The following ABCG2 variants were observed in gnomAD, a reference collection of about 807,000 sequenced individuals.
ABCG2 encodes the protein broad substrate specificity ATP-binding cassette transporter ABCG2.
In ABCG2, 80 loss-of-function variants were observed where a neutral mutation model predicts 73.5. The observed-to-expected ratio is 1.09, with a 90% CI of 0.91 to 1.31. The LOEUF is 1.31. Ranked by LOEUF, ABCG2 falls within the 50% of genes most tolerant of loss-of-function variation. The pLI, the probability that ABCG2 is intolerant of heterozygous loss-of-function variation, is 0.00. For synonymous variants in ABCG2, 269 were observed against 282.4 expected (o/e 0.95, Z 0.48); for missense variants, 796 against 786.2 (o/e 1.01, Z -0.15).
chr4:88,118,042 AC>A, intron 7 of ABCG2, 66 bp downstream of exon 7: 10 of 1,495,424 alleles, frequency 6.7e-6, no homozygotes, highest in Non-Finnish European at 9.1e-6. Context: ...ACTCCTGCAG[AC>A]CCCCTTTGCT....
intron 5 of ABCG2, among the ~76,000 whole-genome samples, chr4:88,122,269 GTT>G (rs948257319): frequency 2.0e-5 from 3 of 151,504 alleles, no homozygotes; most frequent in Non-Finnish European, 4.4e-5. Context: ...AGCTGCAGGA[GTT>G]TTTTTTTCAT....
intron 1 of ABCG2, among the ~76,000 whole-genome samples, chr4:88,201,294 A>T (rs1265800278): frequency 6.6e-6 from 1 of 151,948 alleles, no homozygotes; most frequent in Non-Finnish European, 1.5e-5. Context: ...CCCTGTCAGT[A>T]AAAGTTTTTT....
intron 15 of ABCG2, among the ~76,000 whole-genome samples, chr4:88,094,258 T>G (rs1283859182): frequency 6.6e-6 from 1 of 152,076 alleles, no homozygotes; most frequent in African/African-American, 2.4e-5. Flanking sequence ...CTCACTTCAA[T>G]CTCAAATGCT....
In ABCG2 at chr4:88,153,449, T is replaced by G. The variant is rs563583140; in HGVS notation, c.-20+4937A>C. Among the ~76,000 whole-genome samples, 459 of 151,126 alleles carry G rather than the reference T, an allele frequency of 3.0e-3. 2 individuals carry two copies. The highest frequency in any genetic ancestry group is 4.7e-3 in the Non-Finnish European group (316 of 67,782). On this transcript the variant is annotated intron_variant, in intron 1 of 15. Coordinates refer to ENST00000237612, the MANE Select transcript of ABCG2 (RefSeq NM_004827.3). ...CTGAGAAGGGCAAGTGGTAAAAGTA[T>G]TATCCAGTCCTTTTTAAGTTGGTGG... is the stretch of plus-strand genomic sequence containing the variant.
At chr4:88,182,532 A>G (rs1318265416) in intron 1 of ABCG2, among the ~76,000 whole-genome samples, 2 of 152,210 alleles carry the variant, frequency 1.3e-5, no homozygotes, top group Admixed American at 6.5e-5. Flanking sequence ...TCAAAAAAAA[A>G]TCACAATTAC....
intron 8 of ABCG2, among the ~76,000 whole-genome samples, chr4:88,114,708 C>T (rs1173526895): frequency 6.6e-6 from 1 of 151,656 alleles, no homozygotes; most frequent in East Asian, 1.9e-4. Flanking sequence ...TTTAAAAACA[C>T]TATATAAACA....
At chr4:88,160,255 A>C (rs1727234839), upstream of ABCG2, among the ~76,000 whole-genome samples, 1 of 152,002 alleles carries the variant, frequency 6.6e-6, no homozygotes, top group Admixed American at 6.6e-5. Flanking sequence ...AAAAAAAAAA[A>C]AATTAAGATA....
intron 1 of ABCG2, among the ~76,000 whole-genome samples, chr4:88,197,266 C>G (rs1728975570): frequency 1.3e-5 from 2 of 150,184 alleles, no homozygotes; most frequent in Non-Finnish European, 1.5e-5. Context: ...TAGAACCAGA[C>G]ACAGATATTT....
chr4:88,140,044 T>C, intron 1 of ABCG2, 30 bp from the exon 2 acceptor site: 3 of 1,566,640 alleles, frequency 1.9e-6, no homozygotes, highest in South Asian at 2.3e-5. Flanking sequence ...AGTAAGTTGA[T>C]AGTCCAGATA....
chr4:88,191,521 G>A (rs959585842), intron 1 of ABCG2, among the ~76,000 whole-genome samples: 2 of 152,176 alleles, frequency 1.3e-5, no homozygotes, highest in East Asian at 3.9e-4. Context: ...ATTTAAAAAT[G>A]ATAAAATCAC....
At chr4:88,175,439 T>C (rs1378242638) in intron 1 of ABCG2, among the ~76,000 whole-genome samples, 2 of 152,220 alleles carry the variant, frequency 1.3e-5, no homozygotes, top group African/African-American at 4.8e-5. Flanking sequence ...ATTTATTAGC[T>C]GGAAATTTTA....
At position 88,099,432 on chromosome 4, in the gene ABCG2, C is replaced by T. The variant is rs752408502; in HGVS notation, c.1384G>A (p.Gly462Arg). ...AAATAAGATGACACTCTGTAGTATC[C>T]GCTGATGTATTCATGTCTATAGAAC... ...KKLFIHEYISGYYRVSSYFLG... is the reference protein window; with the variant it reads ...KKLFIHEYISRYYRVSSYFLG... The change falls in exon 12 of 16, where the codon GGA becomes AGA. Residue 462 changes from glycine to arginine, a missense_variant. Physicochemically the swap from Gly to Arg is moderately radical, Grantham distance 125. Coordinates refer to ENST00000237612, the MANE Select transcript of ABCG2 (RefSeq NM_004827.3). The T allele has an allele frequency of 1.2e-5, 19 of 1,603,718 alleles. No homozygotes were observed. The highest frequency in any genetic ancestry group is 6.8e-5 in the South Asian group (6 of 88,570).
chr4:88,175,694 G>A lies in ABCG2; in HGVS notation c.-19-35680C>T, dbSNP rs949243343. Among the ~76,000 whole-genome samples the A allele has an allele frequency of 2.6e-5, 4 of 152,258 alleles. No individual in the cohort carries two copies. The East Asian group carries it at 7.7e-4, about 29-fold the overall frequency. ...CCCAAAATATCTTGGCCAGTGAAAG[G>A]CCCTTCAAATTGCCTTCAAGTTAGT... On this transcript the variant is annotated intron_variant, in intron 1 of 15. Coordinates refer to the ABCG2 transcript ENST00000515655.
intron 7 of ABCG2, among the ~76,000 whole-genome samples, chr4:88,115,711 A>G (rs907824716): frequency 6.6e-5 from 10 of 151,998 alleles, no homozygotes; most frequent in Admixed American, 1.3e-4. Flanking sequence ...GTCCTTACCT[A>G]TCATAATTCA....
chr4:88,224,940 A>T (rs1018364554), intron 1 of ABCG2, among the ~76,000 whole-genome samples: 18 of 152,190 alleles, frequency 1.2e-4, no homozygotes, highest in African/African-American at 4.1e-4. Flanking sequence ...TATTGAAAAG[A>T]CTGTCCTTTT....
chr4:88,148,172 T>C (rs1726179910), intron 1 of ABCG2, among the ~76,000 whole-genome samples: 1 of 152,118 alleles, frequency 6.6e-6, no homozygotes, highest in South Asian at 2.1e-4. Flanking sequence ...GCCAAACCCA[T>C]GTATACAGAG....
chr4:88,135,194 T>G (rs1725158101), intron 2 of ABCG2, among the ~76,000 whole-genome samples: 1 of 151,182 alleles, frequency 6.6e-6, no homozygotes, highest in African/African-American at 2.4e-5. Context: ...CACCCCACCC[T>G]CCACCCTTCT....
In ABCG2 at chr4:88,140,077, G is replaced by A. The variant is rs1178336863; in HGVS notation, c.-19-63C>T. 3.7e-6 allele frequency: 5 copies of A among 1,358,362 alleles called. No homozygotes were observed. In the African/African-American group the frequency reaches 7.3e-5, roughly 20 times the overall value. 84.1% of individuals were successfully genotyped at this position (1,358,362 alleles called of 1,614,324 possible). On this transcript the variant is annotated intron_variant, in intron 1 of 15. Coordinates refer to ENST00000237612, the MANE Select transcript of ABCG2 (RefSeq NM_004827.3). ...ATAAATGAGATTGCAAACACTAGGT[G>A]ACAATACATTTAAAACAAGTCCATT...
intron 9 of ABCG2, among the ~76,000 whole-genome samples, chr4:88,109,457 T>C (rs915134283): frequency 6.6e-6 from 1 of 152,206 alleles, no homozygotes; most frequent in African/African-American, 2.4e-5. Flanking sequence ...GACAAAATAA[T>C]CAATCCCGTA....
Sources: allele counts gnomAD v4.1 joint callset (sites outside exome capture counted in the v4.1 genomes callset), GRCh38; gene constraint gnomAD v4.1.1; transcripts MANE v1.5; gene names NCBI Gene and HGNC (gene_info 2026-07-23, HGNC 2026-07-21).